Variants in PUM2 observed in about 807,000 individuals in gnomAD.
PUM2 encodes pumilio homolog 2.
PUM2 carries 57 observed loss-of-function variants against 124.5 expected under a neutral mutation model. That is an observed-to-expected ratio of 0.46 (90% CI 0.37 to 0.57). The LOEUF (loss-of-function observed/expected upper bound fraction) is 0.57, where lower values mean the gene tolerates loss of function less well. Among genes scored for constraint, PUM2 ranks in the 20% least tolerant of loss-of-function variants. The pLI, the probability that PUM2 is intolerant of heterozygous loss-of-function variation, is 0.00. For synonymous variants in PUM2, 460 were observed against 446.1 expected (o/e 1.03, Z -0.39); for missense variants, 1,065 against 1,290.6 (o/e 0.83, Z 2.68).
intron 10 of PUM2, 51 bp from the exon 11 acceptor site, chr2:20,283,537 A>AT: frequency 6.5e-7 from 1 of 1,538,668 alleles, no homozygotes; most frequent in Admixed American, 1.9e-5. Flanking sequence ...AAAAACATGC[A>AT]TATTTGTTTT....
rs142038290 is a variant in PUM2 at position 20,323,600 on chromosome 2, T to C, written c.51+3710A>G. ...TCAACTGATTTCAAATATTATATTA[T>C]TCACTTTAACGATTTTGTCCATAGC... On this transcript the variant is annotated intron_variant, in intron 2 of 20. Coordinates refer to ENST00000361078, the MANE Select transcript of PUM2 (RefSeq NM_015317.5). Among the ~76,000 whole-genome samples the C allele has an allele frequency of 4.6e-5, 7 of 152,274 alleles. No homozygotes were observed. In the East Asian group the frequency reaches 1.2e-3, roughly 25 times the overall value.
chr2:20,333,159 T>A (rs951283806), intron 1 of PUM2: 1 of 152,228 alleles, frequency 6.6e-6, no homozygotes, highest in Admixed American at 6.5e-5. Flanking sequence ...TTACTAATGA[T>A]GTGAGGAAAA....
intron 8 of PUM2, 22 bp downstream of exon 8, chr2:20,297,531 A>T: frequency 6.5e-7 from 1 of 1,548,080 alleles, no homozygotes; most frequent in Non-Finnish European, 8.7e-7. Context: ...ACCATAATAA[A>T]GATGAACAAA....
chr2:20,307,441 C>T, intron 7 of PUM2, among the ~76,000 whole-genome samples: 1 of 152,106 alleles, frequency 6.6e-6, no homozygotes, highest in East Asian at 1.9e-4. Context: ...GCATCAATAT[C>T]ATATTACTGT....
intron 14 of PUM2, among the ~76,000 whole-genome samples, chr2:20,262,072 A>G (rs1666431920): frequency 6.6e-6 from 1 of 152,170 alleles, no homozygotes; most frequent in Non-Finnish European, 1.5e-5. Flanking sequence ...TCCAGCCTGG[A>G]TAACAGAGTA....
chr2:20,300,242 C>A (rs1482183544), intron 7 of PUM2, among the ~76,000 whole-genome samples: 1 of 152,250 alleles, frequency 6.6e-6, no homozygotes, highest in South Asian at 2.1e-4. Flanking sequence ...CTCCGCCTCC[C>A]GGGTTCCAGT....
At chr2:20,311,157 A>G (rs1387572452) in intron 5 of PUM2, among the ~76,000 whole-genome samples, 1 of 152,134 alleles carries the variant, frequency 6.6e-6, no homozygotes, top group Non-Finnish European at 1.5e-5. Flanking sequence ...AAGAGGGGAA[A>G]AAAAAAAATC....
chr2:20,335,640 T>C (rs546774563), intron 1 of PUM2, among the ~76,000 whole-genome samples: 78 of 152,196 alleles, frequency 5.1e-4, no homozygotes, highest in Non-Finnish European at 8.4e-4. Context: ...TCTGCTGGCT[T>C]TACTAGCAAG....
At chr2:20,290,837 TAAGTA>T in intron 9 of PUM2, 47 bp from the exon 10 acceptor site, 1 of 1,394,020 alleles carries the variant, frequency 7.2e-7, no homozygotes, top group Non-Finnish European at 9.5e-7. Context: ...AAATAATAGA[TAAGTA>T]AATTTATCTT....
intron 13 of PUM2, 104 bp downstream of exon 13, chr2:20,278,479 C>T (rs1670755268): frequency 2.0e-6 from 2 of 998,854 alleles, no homozygotes; most frequent in Non-Finnish European, 2.9e-6. Flanking sequence ...AGCAATTTGG[C>T]ATGTTTTAAC....
intron 13 of PUM2, among the ~76,000 whole-genome samples, chr2:20,274,830 C>G (rs1466607881): frequency 6.6e-6 from 1 of 150,914 alleles, no homozygotes; most frequent in Non-Finnish European, 1.5e-5. Flanking sequence ...AAAAAATTAT[C>G]AACACTATAT....
In PUM2 at chr2:20,311,508, A is replaced by G. The variant is rs745558026; in HGVS notation, c.504T>C (p.Asp168=). The change falls in exon 5 of 21, where the codon GAT becomes GAC. Residue 168 remains aspartate, a synonymous_variant. Transcript: ENST00000361078. ...TAAAATCTTACTTAAAATCTTTGCA[A>G]TCGGCATCCATTCCATTTGGCAAAC... ...GRGLPNGMDA[D]CKDFNRTPGS... 7 of 1,607,010 alleles carry G rather than the reference A, an allele frequency of 4.4e-6. No individual in the cohort carries two copies. Among genetic ancestry groups the G allele is most frequent in the Non-Finnish European group, 4.2e-6 (5 of 1,177,828 alleles).
At chr2:20,293,035 A>G (rs1179968421) in intron 9 of PUM2, among the ~76,000 whole-genome samples, 1 of 152,224 alleles carries the variant, frequency 6.6e-6, no homozygotes, top group African/African-American at 2.4e-5. Flanking sequence ...TGCAGACCAA[A>G]CCAAGTTTTC....
chr2:20,305,948 C>T (rs1485891971), intron 7 of PUM2, among the ~76,000 whole-genome samples: 3 of 152,112 alleles, frequency 2.0e-5, no homozygotes, highest in Non-Finnish European at 2.9e-5. Flanking sequence ...CAGCAGGGCA[C>T]GGTGGCTCAC....
At chr2:20,351,335 TC>T (rs1379181626), upstream of PUM2, among the ~76,000 whole-genome samples, 1 of 152,196 alleles carries the variant, frequency 6.6e-6, no homozygotes, top group East Asian at 1.9e-4. Context: ...ACTCTGTACC[TC>T]CCCACAACCA....
intron 3 of PUM2, 133 bp downstream of exon 3, chr2:20,318,404 C>G: frequency 1.4e-6 from 1 of 706,210 alleles, no homozygotes; most frequent in South Asian, 2.1e-5. Flanking sequence ...TTATTTGAGA[C>G]CAGCCTGGGC....
intron 12 of PUM2, among the ~76,000 whole-genome samples, chr2:20,282,051 T>C (rs1671661055): frequency 1.3e-5 from 2 of 152,206 alleles, no homozygotes; most frequent in East Asian, 3.8e-4. Context: ...AGTTATGTTA[T>C]AGAAACAGAA....
intron 12 of PUM2, among the ~76,000 whole-genome samples, chr2:20,281,995 A>ATG (rs1671643086): frequency 6.6e-6 from 1 of 152,228 alleles, no homozygotes; most frequent in African/African-American, 2.4e-5. Flanking sequence ...ATATAATTTG[A>ATG]TGTGGTAAGA....
chr2:20,350,922 T>C (rs576880672), upstream of PUM2: 137 of 387,928 alleles, frequency 3.5e-4, no homozygotes, highest in Non-Finnish European at 1.9e-4. Flanking sequence ...GCGGCTCCTT[T>C]TAATGCCTTG....
Sources: gnomAD v4.1 joint callset for allele counts (sites outside exome capture counted in the v4.1 genomes callset) on GRCh38, gnomAD v4.1.1 for gene constraint, MANE v1.5 for transcripts, NCBI Gene and HGNC (gene_info 2026-07-23, HGNC 2026-07-21) for gene names.